NKAIN2: variants seen among roughly 807,000 people sequenced by gnomAD.
NKAIN2 encodes sodium/potassium transporting ATPase interacting 2, also known as sodium/potassium-transporting ATPase subunit beta-1-interacting protein 2.
In NKAIN2, 14 loss-of-function variants were observed where a neutral mutation model predicts 32.6. That is an observed-to-expected ratio of 0.43 (90% CI 0.28 to 0.67). The LOEUF (loss-of-function observed/expected upper bound fraction) is 0.67. Ranked by LOEUF, NKAIN2 falls within the 30% of genes least tolerant of loss-of-function variation. The pLI is 0.17. For synonymous variants in NKAIN2, 80 were observed against 87.2 expected (o/e 0.92, Z 0.46); for missense variants, 198 against 258.3 (o/e 0.77, Z 1.60).
intron 4 of NKAIN2, among the ~76,000 whole-genome samples, chr6:124,726,284 A>T (rs1267134048): frequency 2.0e-5 from 3 of 152,050 alleles, no homozygotes; most frequent in Non-Finnish European, 2.9e-5. Flanking sequence ...GACAGCAGTA[A>T]CCTCTGCAGA....
chr6:123,887,146 A>G (rs1773758164), intron 1 of NKAIN2, among the ~76,000 whole-genome samples: 1 of 151,948 alleles, frequency 6.6e-6, no homozygotes, highest in African/African-American at 2.4e-5. Context: ...CAAATTCATT[A>G]ACTAATGACA....
intron 2 of NKAIN2, among the ~76,000 whole-genome samples, chr6:124,319,100 G>A (rs1797073268): frequency 6.6e-6 from 1 of 151,992 alleles, no homozygotes; most frequent in Non-Finnish European, 1.5e-5. Context: ...AGATAAAGTT[G>A]CGGTCTCTCC....
intron 1 of NKAIN2, among the ~76,000 whole-genome samples, chr6:123,888,578 T>C (rs1582719852): frequency 6.6e-6 from 1 of 152,256 alleles, no homozygotes; most frequent in Middle Eastern, 3.4e-3. Context: ...TCCCTGAATA[T>C]TGTCATTCTA....
intron 3 of NKAIN2, among the ~76,000 whole-genome samples, chr6:124,642,239 A>C (rs920605560): frequency 4.6e-5 from 7 of 152,180 alleles, no homozygotes; most frequent in African/African-American, 1.7e-4. Flanking sequence ...CATATTTGTA[A>C]TTTTGGTTAT....
In NKAIN2 at chr6:124,297,515, C is replaced by A. The variant is rs539068422; in HGVS notation, c.192+14373C>A. ...CAGAGGCAGAAAAGGTGGAAACTGG[C>A]CCCCCTGCCCCGTGTGGCTCTCAGG... On this transcript the variant is annotated intron_variant, in intron 2 of 6. Transcript: ENST00000368417. Among the ~76,000 whole-genome samples, 13 of 151,956 alleles carry A rather than the reference C, an allele frequency of 8.6e-5. No individual in the cohort carries two copies. In the East Asian group the frequency reaches 1.7e-3, roughly 20 times the overall value.
intron 4 of NKAIN2, among the ~76,000 whole-genome samples, chr6:124,744,276 TCTTA>T (rs966180361): frequency 2.0e-5 from 3 of 151,768 alleles, no homozygotes; most frequent in Non-Finnish European, 4.4e-5. Context: ...GTGGACAATA[TCTTA>T]CTCTTTCTGG....
chr6:124,074,867 C>T (rs938954077), intron 1 of NKAIN2, among the ~76,000 whole-genome samples: 19 of 151,598 alleles, frequency 1.3e-4, no homozygotes, highest in African/African-American at 4.6e-4. Flanking sequence ...ATGGTAATTA[C>T]TTTAGCATTT....
At chr6:124,445,786 A>AC (rs1374957572) in intron 3 of NKAIN2, among the ~76,000 whole-genome samples, 2 of 75,332 alleles carry the variant, frequency 2.7e-5, no homozygotes, top group African/African-American at 5.8e-5. Flanking sequence ...AACAAAACAA[A>AC]AAAAAAAAAC....
At chr6:124,812,660 T>C (rs2114863755) in intron 5 of NKAIN2, among the ~76,000 whole-genome samples, 1 of 152,222 alleles carries the variant, frequency 6.6e-6, no homozygotes, top group South Asian at 2.1e-4. Flanking sequence ...AAGCGTCTCT[T>C]CACTTAGATG....
chr6:124,614,626 G>T (rs1413603762), intron 3 of NKAIN2, among the ~76,000 whole-genome samples: 1 of 152,060 alleles, frequency 6.6e-6, no homozygotes, highest in Non-Finnish European at 1.5e-5. Flanking sequence ...CCCAAGGCTG[G>T]ATGGTTGTCT....
chr6:123,884,480 G>T (rs1028411512), intron 1 of NKAIN2, among the ~76,000 whole-genome samples: 32 of 152,096 alleles, frequency 2.1e-4, no homozygotes, highest in African/African-American at 7.2e-4. Flanking sequence ...AGCTCTCTGC[G>T]TATGTGGGTG....
intron 1 of NKAIN2, among the ~76,000 whole-genome samples, chr6:124,087,039 T>C (rs1414319881): frequency 6.6e-6 from 1 of 151,858 alleles, no homozygotes; most frequent in African/African-American, 2.4e-5. Flanking sequence ...TATTAGCAAA[T>C]TGAATCCAAT....
chr6:124,275,578 C>A (rs1208226421), intron 1 of NKAIN2, among the ~76,000 whole-genome samples: 1 of 152,090 alleles, frequency 6.6e-6, no homozygotes, highest in African/African-American at 2.4e-5. Flanking sequence ...GAAGCCTATT[C>A]TTTTACCATA....
intron 3 of NKAIN2, among the ~76,000 whole-genome samples, chr6:124,593,043 C>T (rs938551244): frequency 2.6e-5 from 4 of 152,174 alleles, no homozygotes; most frequent in African/African-American, 9.7e-5. Context: ...CATCCTATTC[C>T]CTTTGCTCTT....
intron 3 of NKAIN2, among the ~76,000 whole-genome samples, chr6:124,462,164 G>C (rs532336365): frequency 6.6e-6 from 1 of 151,888 alleles, no homozygotes; most frequent in Middle Eastern, 3.4e-3. Flanking sequence ...TACCTACAAA[G>C]TTTGGAACAT....
Position 124,250,533 on chromosome 6 carries a change from C to T in NKAIN2, c.55-32472C>T, listed in dbSNP as rs73563744. ...ACAGCAACAATGAAAACAATAAGAC[C>T]GTAAAATAGTACCTTCAATCTACTA... On this transcript the variant is annotated intron_variant, in intron 1 of 6. Transcript: ENST00000368417. Among the ~76,000 whole-genome samples, 640 of 151,852 alleles carry T rather than the reference C, an allele frequency of 4.2e-3. 6 individuals are homozygous for T. The highest frequency in any genetic ancestry group is 0.014 in the African/African-American group (589 of 41,446).
chr6:124,657,523 C>T (rs1784583433), intron 3 of NKAIN2, among the ~76,000 whole-genome samples: 2 of 152,058 alleles, frequency 1.3e-5, no homozygotes, highest in African/African-American at 2.4e-5. Context: ...TTATTATCTC[C>T]ACCCTACAAG....
At chr6:124,463,499 C>T (rs1776616569) in intron 3 of NKAIN2, among the ~76,000 whole-genome samples, 1 of 151,996 alleles carries the variant, frequency 6.6e-6, no homozygotes, top group African/African-American at 2.4e-5. Context: ...AACATAACAC[C>T]TGTTCCAGCC....
intron 1 of NKAIN2, among the ~76,000 whole-genome samples, chr6:124,043,480 T>C (rs1009006415): frequency 6.6e-6 from 1 of 152,116 alleles, no homozygotes; most frequent in African/African-American, 2.4e-5. Context: ...TTACCTTTTA[T>C]AGATATCAAA....
Sources: gnomAD v4.1 joint callset for allele counts (sites outside exome capture counted in the v4.1 genomes callset) on GRCh38, gnomAD v4.1.1 for gene constraint, MANE v1.5 for transcripts, NCBI Gene and HGNC (gene_info 2026-07-23, HGNC 2026-07-21) for gene names.